The following MTUS1 variants were observed in gnomAD, a reference collection of about 807,000 sequenced individuals.
The protein encoded by MTUS1 is microtubule associated scaffold protein 1.
Under a neutral mutation model 120.8 loss-of-function variants are expected in MTUS1, and 109 were observed. That is an observed-to-expected ratio of 0.90 (90% CI 0.77 to 1.06). The LOEUF (loss-of-function observed/expected upper bound fraction) is 1.06, where lower values mean the gene tolerates loss of function less well. Among genes scored for constraint, MTUS1 ranks in the 50% least tolerant of loss-of-function variants. The probability of loss-of-function intolerance (pLI) is 0.00; values close to 1 mark genes in which losing one functional copy is unlikely to be tolerated. For synonymous variants in MTUS1, 737 were observed against 550.5 expected (o/e 1.34, Z -4.74); for missense variants, 2,210 against 1,486.3 (o/e 1.49, Z -8.01).
intron 1 of MTUS1, among the ~76,000 whole-genome samples, chr8:17,762,043 G>A (rs1204191613): frequency 6.6e-6 from 1 of 152,166 alleles, no homozygotes; most frequent in Non-Finnish European, 1.5e-5. Flanking sequence ...ACTTTGGGAA[G>A]CCGAGGTGGG....
chr8:17,756,109 C>T, intron 1 of MTUS1, 148 bp from the exon 2 acceptor site: 1 of 291,496 alleles, frequency 3.4e-6, no homozygotes, highest in Non-Finnish European at 6.2e-6. Flanking sequence ...GAGATATAAT[C>T]AGGCAATCTA....
intron 6 of MTUS1, chr8:17,708,716 T>C (rs1429727593): frequency 6.6e-6 from 1 of 152,244 alleles, no homozygotes; most frequent in Non-Finnish European, 1.5e-5. Flanking sequence ...GCAGAGTTTC[T>C]TCTGCATTTT....
intron 1 of MTUS1, among the ~76,000 whole-genome samples, chr8:17,756,188 A>T (rs2048594762): frequency 6.6e-6 from 1 of 152,162 alleles, no homozygotes; most frequent in Non-Finnish European, 1.5e-5. Context: ...AGATGGGGTC[A>T]TTGCTCGTTA....
intron 8 of MTUS1, among the ~76,000 whole-genome samples, chr8:17,669,776 T>C (rs1585552113): frequency 6.6e-6 from 1 of 151,740 alleles, no homozygotes; most frequent in African/African-American, 2.4e-5. Context: ...ATCCAGGAGG[T>C]GGAGGTTGCA....
intron 1 of MTUS1, among the ~76,000 whole-genome samples, chr8:17,777,559 A>C: frequency 6.6e-6 from 1 of 152,198 alleles, no homozygotes; most frequent in Non-Finnish European, 1.5e-5. Context: ...AAGCAGAGAA[A>C]GCAAATCTCT....
intron 1 of MTUS1, among the ~76,000 whole-genome samples, chr8:17,760,570 G>A (rs1252974980): frequency 6.6e-6 from 1 of 152,026 alleles, no homozygotes; most frequent in Non-Finnish European, 1.5e-5. Context: ...TTAAAAGTTG[G>A]CCATTTTGTT....
At chr8:17,781,802 C>G (rs1278714722) in intron 1 of MTUS1, among the ~76,000 whole-genome samples, 1 of 152,168 alleles carries the variant, frequency 6.6e-6, no homozygotes, top group Admixed American at 6.5e-5. Context: ...CATGAGGTCC[C>G]TCTTTGTAGG....
intron 1 of MTUS1, among the ~76,000 whole-genome samples, chr8:17,785,478 G>C (rs1169233792): frequency 1.3e-5 from 2 of 152,170 alleles, no homozygotes; most frequent in African/African-American, 4.8e-5. Context: ...GGGGATGTCA[G>C]CTTTAATTTT....
chr8:17,652,735 G>A (rs910381408), intron 12 of MTUS1, among the ~76,000 whole-genome samples: 9 of 151,748 alleles, frequency 5.9e-5, no homozygotes, highest in Non-Finnish European at 1.0e-4. Context: ...ACTCGGGAGG[G>A]TGAGGCAGGA....
chr8:17,772,507 G>A (rs192962848), intron 1 of MTUS1, among the ~76,000 whole-genome samples: 8 of 152,268 alleles, frequency 5.3e-5, no homozygotes, highest in African/African-American at 1.9e-4. Context: ...CCCAGTAGAA[G>A]AGGCCAGTGT....
At chr8:17,687,383 G>A (rs558224154) in intron 6 of MTUS1, among the ~76,000 whole-genome samples, 8 of 152,130 alleles carry the variant, frequency 5.3e-5, no homozygotes, top group South Asian at 2.1e-4. Context: ...TCATCAATAC[G>A]TACTTCACAG....
chr8:17,702,162 G>T (rs1432460000), intron 6 of MTUS1, among the ~76,000 whole-genome samples: 1 of 152,162 alleles, frequency 6.6e-6, no homozygotes, highest in Non-Finnish European at 1.5e-5. Flanking sequence ...CCGGGTGGAA[G>T]GTGTTTGCTC....
intron 1 of MTUS1, among the ~76,000 whole-genome samples, chr8:17,761,005 G>C (rs1209888208): frequency 6.6e-6 from 1 of 151,654 alleles, no homozygotes; most frequent in African/African-American, 2.4e-5. Context: ...GAATCATTTG[G>C]GAAAACAAGG....
chr8:17,688,464 G>C (rs894281216), intron 6 of MTUS1, among the ~76,000 whole-genome samples: 6 of 152,160 alleles, frequency 3.9e-5, no homozygotes, highest in Non-Finnish European at 4.4e-5. Context: ...ACAACATATT[G>C]CATTAAAAAC....
intron 6 of MTUS1, among the ~76,000 whole-genome samples, chr8:17,709,653 T>A (rs572073253): frequency 1.3e-5 from 2 of 152,172 alleles, no homozygotes; most frequent in South Asian, 2.1e-4. Context: ...TCAGTGCATA[T>A]AAAACTTATA....
chr8:17,759,206 G>A (rs12334762), intron 1 of MTUS1, among the ~76,000 whole-genome samples: 148,618 of 152,188 alleles, frequency 0.98, 72,660 homozygotes, highest in East Asian at 1. Flanking sequence ...AAATAAGTAT[G>A]TAAGAGGATA....
chr8:17,744,457 A>G (rs59664573), intron 2 of MTUS1, among the ~76,000 whole-genome samples: 5,623 of 151,990 alleles, frequency 0.037, 176 homozygotes, highest in East Asian at 0.14. Context: ...AGTCTCCTCT[A>G]TCGCCCAGGC....
rs541114527 is a variant in MTUS1, at chr8:17,720,114, G to A, written c.2449+3558C>T. 5.9e-4 allele frequency among the ~76,000 whole-genome samples: 90 copies of A among 152,264 alleles called. 1 individual carries two copies. The highest frequency in any genetic ancestry group is 2.0e-3 in the African/African-American group (84 of 41,568). On this transcript the variant is annotated intron_variant, in intron 4 of 14. Transcript: ENST00000693296. ...AATCCCAGCACTCTGGGAGGCAGAC[G>A]CAGGCATATCACTTGTGGTTAGGAG...
chr8:17,675,744 A>C (rs1463730778), intron 7 of MTUS1, among the ~76,000 whole-genome samples: 2 of 152,248 alleles, frequency 1.3e-5, no homozygotes, highest in Non-Finnish European at 1.5e-5. Flanking sequence ...GTTTGTTAGA[A>C]AGCTATAGCA....
Sources: allele counts gnomAD v4.1 joint callset (sites outside exome capture counted in the v4.1 genomes callset), GRCh38; gene constraint gnomAD v4.1.1; transcripts MANE v1.5; gene names NCBI Gene and HGNC (gene_info 2026-07-23, HGNC 2026-07-21).